The following MAP2K6 variants were observed in gnomAD, a reference collection of about 807,000 sequenced individuals.
MAP2K6 encodes mitogen-activated protein kinase kinase 6.
In MAP2K6, 16 loss-of-function variants were observed where a neutral mutation model predicts 53.7. That is an observed-to-expected ratio of 0.30 (90% CI 0.20 to 0.45). MAP2K6 has a LOEUF of 0.45. Among genes scored for constraint, MAP2K6 ranks in the 20% least tolerant of loss-of-function variants. The pLI, the probability that MAP2K6 is intolerant of heterozygous loss-of-function variation, is 1.00. For missense variants in MAP2K6, 204 were observed against 411.9 expected (o/e 0.50, Z 4.37); for synonymous variants, 132 against 143.1 (o/e 0.92, Z 0.55).
intron 1 of MAP2K6, among the ~76,000 whole-genome samples, chr17:69,423,503 G>T (rs1006399490): frequency 2.0e-5 from 3 of 152,060 alleles, no homozygotes; most frequent in African/African-American, 7.2e-5. Flanking sequence ...TTATTCCATC[G>T]AATACTGGGG....
intron 10 of MAP2K6, among the ~76,000 whole-genome samples, chr17:69,531,786 T>A (rs540597004): frequency 4.2e-4 from 64 of 152,298 alleles, no homozygotes; most frequent in African/African-American, 1.5e-3. Flanking sequence ...ATATATCTCT[T>A]TCTTATCGTA....
At chr17:69,462,520 G>C (rs1305537596) in intron 1 of MAP2K6, among the ~76,000 whole-genome samples, 1 of 152,108 alleles carries the variant, frequency 6.6e-6, no homozygotes, top group Admixed American at 6.5e-5. Flanking sequence ...CCCCATTTGA[G>C]TTTGACGGCC....
intron 1 of MAP2K6, among the ~76,000 whole-genome samples, chr17:69,446,904 G>A (rs1906984856): frequency 6.6e-6 from 1 of 151,232 alleles, no homozygotes; most frequent in Admixed American, 6.6e-5. Flanking sequence ...ATTATCTGAA[G>A]TGGTCATTCA....
At chr17:69,416,552 T>C (rs530337888) in intron 1 of MAP2K6, among the ~76,000 whole-genome samples, 1 of 152,346 alleles carries the variant, frequency 6.6e-6, no homozygotes, top group East Asian at 1.9e-4. Flanking sequence ...AATATATGTG[T>C]AATATATTGT....
chr17:69,444,091 A>G (rs1431588545), intron 1 of MAP2K6, among the ~76,000 whole-genome samples: 1 of 152,208 alleles, frequency 6.6e-6, no homozygotes, highest in Non-Finnish European at 1.5e-5. Flanking sequence ...CTGCTTCCAT[A>G]TAAAAGGTCT....
At chr17:69,465,886 T>G (rs1598275568) in intron 1 of MAP2K6, among the ~76,000 whole-genome samples, 2 of 151,386 alleles carry the variant, frequency 1.3e-5, no homozygotes, top group East Asian at 2.0e-4. Context: ...CCCAAAGTGC[T>G]GGGATTACAG....
chr17:69,520,567 C>G (rs1041969017), intron 6 of MAP2K6, 181 bp downstream of exon 6: 3 of 555,546 alleles, frequency 5.4e-6, no homozygotes, highest in Non-Finnish European at 6.3e-6. Context: ...GTAGAAGATT[C>G]TAGCACTGCT....
chr17:69,519,550 CG>C, intron 5 of MAP2K6, 118 bp downstream of exon 5: 1 of 1,245,736 alleles, frequency 8.0e-7, no homozygotes. Context: ...ATCTTGTATA[CG>C]GGGGTTTACG....
rs192003725 is a variant in MAP2K6, at chr17:69,541,578, A to G, written c.928-98A>G. The G allele has an allele frequency of 9.3e-6, 8 of 859,856 alleles. No individual in the cohort carries two copies. In the Admixed American group the frequency reaches 1.8e-4, roughly 19 times the overall value. The allele number at this position is 859,856 out of a possible 1,614,324, so 53.3% of individuals were successfully genotyped here. On this transcript the variant is annotated intron_variant, in intron 11 of 11. Coordinates refer to ENST00000590474, the MANE Select transcript of MAP2K6 (RefSeq NM_002758.4). ...AGCCCAGCCTAGCTCTGATAGGGAT[A>G]CTTAATCCCTGTACCAAGCAGATCT...
At chr17:69,451,915 C>T (rs956509898) in intron 1 of MAP2K6, among the ~76,000 whole-genome samples, 1 of 152,060 alleles carries the variant, frequency 6.6e-6, no homozygotes, top group Non-Finnish European at 1.5e-5. Context: ...CACTGCACAC[C>T]GCTGGCAGTC....
At chr17:69,464,282 A>G (rs529622696) in intron 1 of MAP2K6, among the ~76,000 whole-genome samples, 1 of 152,178 alleles carries the variant, frequency 6.6e-6, no homozygotes, top group African/African-American at 2.4e-5. Flanking sequence ...AGTTGATTAC[A>G]TAATTTTCAT....
rs76156839 is a variant in MAP2K6, at chr17:69,501,073, A to G, written c.17-4707A>G. On this transcript the variant is annotated intron_variant, in intron 1 of 11. Coordinates refer to ENST00000590474, the MANE Select transcript of MAP2K6 (RefSeq NM_002758.4). ...TTGGAACGTAAGCCTAGATGCAAGT[A>G]GTAAGGAGAGGGCAGCCAAGGCCTC... 3.9e-3 allele frequency among the ~76,000 whole-genome samples: 591 copies of G among 152,354 alleles called. 5 individuals carry two copies. Among genetic ancestry groups the G allele is most frequent in the African/African-American group, 0.013 (539 of 41,588 alleles).
intron 1 of MAP2K6, among the ~76,000 whole-genome samples, chr17:69,471,921 ACTAT>A (rs1907994480): frequency 6.6e-6 from 1 of 152,240 alleles, no homozygotes; most frequent in Non-Finnish European, 1.5e-5. Flanking sequence ...TTTAAAAATT[ACTAT>A]CTGTTTCTAG....
At chr17:69,486,229 C>A (rs1010451942) in intron 1 of MAP2K6, among the ~76,000 whole-genome samples, 1 of 152,106 alleles carries the variant, frequency 6.6e-6, no homozygotes, top group African/African-American at 2.4e-5. Flanking sequence ...GGCTACAGGG[C>A]TGGATGCAGT....
At chr17:69,528,482 G>T (rs931263170) in intron 10 of MAP2K6, among the ~76,000 whole-genome samples, 4 of 152,166 alleles carry the variant, frequency 2.6e-5, no homozygotes, top group Non-Finnish European at 5.9e-5. Flanking sequence ...TGGATTCAAA[G>T]ACTTGTTTTT....
At chr17:69,512,739 A>G (rs1909922325) in intron 2 of MAP2K6, among the ~76,000 whole-genome samples, 1 of 152,176 alleles carries the variant, frequency 6.6e-6, no homozygotes, top group South Asian at 2.1e-4. Flanking sequence ...TTCTATTTCA[A>G]TAGAGGTAAT....
At position 69,520,374 on chromosome 17, in the gene MAP2K6, A is replaced by T. The variant is rs761992405; in HGVS notation, c.471A>T (p.Lys157Asn). 1 of 1,597,520 alleles carries T rather than the reference A, an allele frequency of 6.3e-7. No homozygotes were observed. Among genetic ancestry groups the T allele is most frequent in the Non-Finnish European group, 8.6e-7 (1 of 1,169,440 alleles). The change falls in exon 6 of 12, where the codon AAA (lysine) becomes AAT (asparagine). Residue 157 changes from lysine to asparagine, a missense_variant. By Grantham distance (94) the Lys-to-Asn change is moderately conservative. Around this residue, in one of 3 missense-constraint regions of MAP2K6, gnomAD observed 129 missense variants for 247.1 expected, o/e 0.52. Transcript: ENST00000590474. Reference sequence around the variant, plus strand: ...CAATTCCAGAGGACATCTTAGGGAAAATAGCAGTTTCTGTGAGTACATTTT... The same window carrying T: ...CAATTCCAGAGGACATCTTAGGGAATATAGCAGTTTCTGTGAGTACATTTT... ...GQTIPEDILGKIAVSIVKALE... is the reference protein window; with the variant it reads ...GQTIPEDILGNIAVSIVKALE...
Position 69,545,299 on chromosome 17 carries a change from A to G in MAP2K6, c.*3546A>G, listed in dbSNP as rs2144883625. On this transcript the variant is annotated 3_prime_UTR_variant, in exon 12 of 12. Coordinates refer to ENST00000590474, the MANE Select transcript of MAP2K6 (RefSeq NM_002758.4). ...ATGTTTGTTGATAAAATATCAGGTCATCACGGATTTTGCAAGTGAAAGTCA... is the reference window on the plus strand; with the variant it reads ...ATGTTTGTTGATAAAATATCAGGTCGTCACGGATTTTGCAAGTGAAAGTCA... 6.6e-6 allele frequency: 1 copy of G among 152,360 alleles called. No individual in the cohort carries two copies. The highest frequency in any genetic ancestry group is 1.9e-4 in the East Asian group (1 of 5,190). The allele number at this position is 152,360 out of a possible 1,614,324, so 9.4% of individuals were successfully genotyped here. A position where few individuals can be genotyped will look rare whatever the true frequency, so the allele number is the denominator to read the frequency against.
intron 2 of MAP2K6, among the ~76,000 whole-genome samples, chr17:69,509,351 C>A (rs1909691983): frequency 1.3e-5 from 2 of 152,006 alleles, no homozygotes; most frequent in Admixed American, 1.3e-4. Flanking sequence ...TTTTTTGGAG[C>A]AAATTTTAAG....
Sources: allele counts gnomAD v4.1 joint callset (sites outside exome capture counted in the v4.1 genomes callset), GRCh38; gene constraint gnomAD v4.1.1; regional missense constraint gnomAD v4.1.1; transcripts MANE v1.5; gene names NCBI Gene and HGNC (gene_info 2026-07-23, HGNC 2026-07-21).